Variants in ANO6 observed in about 807,000 individuals in gnomAD.
ANO6 encodes the protein anoctamin-6.
Under a neutral mutation model 117.5 loss-of-function variants are expected in ANO6, and 106 were observed. That is an observed-to-expected ratio of 0.90 (90% CI 0.77 to 1.06). The LOEUF (loss-of-function observed/expected upper bound fraction) is 1.06, where lower values mean the gene tolerates loss of function less well. Among genes scored for constraint, ANO6 ranks in the 50% least tolerant of loss-of-function variants. The probability of loss-of-function intolerance (pLI) is 0.00; values close to 1 mark genes in which losing one functional copy is unlikely to be tolerated. For missense variants in ANO6, 955 were observed against 1,121.1 expected, an observed-to-expected ratio of 0.85 and a Z score of 2.12; for synonymous variants, 367 against 385.1, an observed-to-expected ratio of 0.95 and a Z score of 0.55.
chr12:45,268,861 A>G (rs558007538), intron 1 of ANO6, among the ~76,000 whole-genome samples: 2 of 152,260 alleles, frequency 1.3e-5, no homozygotes, highest in Non-Finnish European at 2.9e-5. Flanking sequence ...AAGGAAAACA[A>G]TTTTTCTTGT....
chr12:45,357,174 T>A, intron 7 of ANO6, 116 bp from the exon 8 acceptor site: 2 of 1,187,538 alleles, frequency 1.7e-6, no homozygotes, highest in South Asian at 2.6e-5. Context: ...TAAGGGTGAA[T>A]TGAGTCAGAT....
intron 16 of ANO6, among the ~76,000 whole-genome samples, chr12:45,414,826 C>T (rs1378256189): frequency 6.6e-6 from 1 of 152,182 alleles, no homozygotes; most frequent in Non-Finnish European, 1.5e-5. Flanking sequence ...TGCAGTGGCA[C>T]AATCCCGGCT....
intron 1 of ANO6, among the ~76,000 whole-genome samples, chr12:45,249,703 C>T (rs1042686278): frequency 6.6e-6 from 1 of 152,124 alleles, no homozygotes; most frequent in Admixed American, 6.5e-5. Context: ...TAGAGAAAAG[C>T]TTCTTCTGGA....
At position 45,259,344 on chromosome 12, in the gene ANO6, T is replaced by C. The variant is rs187343685; in HGVS notation, c.71-42670T>C. Among the ~76,000 whole-genome samples the C allele has an allele frequency of 5.1e-4, 77 of 152,360 alleles. 1 individual carries two copies. The East Asian group carries it at 0.014, about 28-fold the overall frequency. On this transcript the variant is annotated intron_variant, in intron 1 of 19. Coordinates refer to ENST00000320560, the MANE Select transcript of ANO6 (RefSeq NM_001025356.3). ...TATGTAATATTTTGCATTTATGTGC[T>C]TTTGAAAATTTTTCAGGGGAGCGAG...
At chr12:45,322,352 G>A (rs1940308403) in intron 2 of ANO6, among the ~76,000 whole-genome samples, 1 of 152,004 alleles carries the variant, frequency 6.6e-6, no homozygotes, top group Non-Finnish European at 1.5e-5. Flanking sequence ...GAGCAAAGGA[G>A]TAGAGAGAGG....
At chr12:45,372,989 T>C (rs1380047010) in intron 9 of ANO6, among the ~76,000 whole-genome samples, 2 of 152,122 alleles carry the variant, frequency 1.3e-5, no homozygotes, top group African/African-American at 4.8e-5. Context: ...GAGACACACA[T>C]AGGTTCAAAA....
downstream of ANO6, among the ~76,000 whole-genome samples, chr12:45,433,712 C>G (rs1441273259): frequency 2.0e-5 from 3 of 152,136 alleles, no homozygotes; most frequent in Non-Finnish European, 4.4e-5. Flanking sequence ...CGTTAAGATT[C>G]AAGGAGTTTG....
intron 16 of ANO6, among the ~76,000 whole-genome samples, chr12:45,413,923 AG>A (rs549856757): frequency 5.3e-4 from 81 of 152,274 alleles, no homozygotes; most frequent in Admixed American, 4.8e-3. Flanking sequence ...AAAGAAATCA[AG>A]GGGAAACAAA....
chr12:45,334,588 C>T (rs1421349553), intron 3 of ANO6, among the ~76,000 whole-genome samples: 4 of 152,006 alleles, frequency 2.6e-5, no homozygotes, highest in Admixed American at 2.6e-4. Context: ...TTACAAGTCT[C>T]TTCCTAAATC....
intron 2 of ANO6, among the ~76,000 whole-genome samples, chr12:45,308,676 G>C (rs536768111): frequency 1.1e-4 from 16 of 152,134 alleles, no homozygotes; most frequent in Non-Finnish European, 2.1e-4. Context: ...CCAATTTGGA[G>C]AGTGAGAGAG....
rs747096618 is a variant in ANO6 at position 45,423,012 on chromosome 12, T to C, written c.2476T>C (p.Tyr826His). The C allele has an allele frequency of 6.8e-6, 11 of 1,614,042 alleles. No individual in the cohort carries two copies. Among genetic ancestry groups the C allele is most frequent in the Non-Finnish European group, 6.8e-6 (8 of 1,179,974 alleles). Residue 826 changes from tyrosine to histidine, a missense_variant, in exon 19 of 20, where the codon TAC becomes CAC. Physicochemically the swap from Tyr to His is moderately conservative, Grantham distance 83. Transcript: ENST00000320560. ...CCCCCAGGAGTATAAACACAACATCTACTATTGGCATGTGATTGCAGCCAA... is the reference window on the plus strand; with the variant it reads ...CCCCCAGGAGTATAAACACAACATCCACTATTGGCATGTGATTGCAGCCAA... Reference protein sequence around the residue: ...GHPQEYKHNIYYWHVIAAKLA... With the variant: ...GHPQEYKHNIHYWHVIAAKLA...
At chr12:45,269,250 C>A (rs1292756350) in intron 1 of ANO6, among the ~76,000 whole-genome samples, 1 of 152,164 alleles carries the variant, frequency 6.6e-6, no homozygotes, top group African/African-American at 2.4e-5. Context: ...CAGAGGTATT[C>A]TTCATTTCCA....
chr12:45,384,841 G>T (rs7304706), intron 10 of ANO6, among the ~76,000 whole-genome samples: 2 of 152,188 alleles, frequency 1.3e-5, no homozygotes, highest in African/African-American at 4.8e-5. Flanking sequence ...GAGGCTCAAC[G>T]TGGGGTTGCC....
At position 45,432,010 on chromosome 12, in the gene ANO6, A is replaced by G; in HGVS notation, c.*2699A>G. ...TTAAAACTAAACAAGGCCATCTTAT[A>G]AACTGTCACCAAAGTCTTCCCTTTT... On this transcript the variant is annotated 3_prime_UTR_variant, in exon 20 of 20. Transcript: ENST00000320560. 8 of 985,448 alleles carry G rather than the reference A, an allele frequency of 8.1e-6. No homozygotes were observed. The highest frequency in any genetic ancestry group is 9.6e-6 in the Non-Finnish European group (8 of 829,896). The allele number at this position is 985,448 out of a possible 1,614,324, so 61.0% of individuals were successfully genotyped here. A position where few individuals can be genotyped will look rare whatever the true frequency, so the allele number is the denominator to read the frequency against.
chr12:45,300,876 G>A (rs1232059211), intron 1 of ANO6, among the ~76,000 whole-genome samples: 2 of 152,218 alleles, frequency 1.3e-5, no homozygotes, highest in Non-Finnish European at 2.9e-5. Context: ...ACCACATGCT[G>A]CAAATGATTG....
chr12:45,349,409 C>T (rs749740513), intron 6 of ANO6, among the ~76,000 whole-genome samples: 1 of 152,074 alleles, frequency 6.6e-6, no homozygotes, highest in East Asian at 1.9e-4. Context: ...CTTCTCTAGC[C>T]GAGAACATCT....
At chr12:45,223,572 T>G (rs1195902639) in intron 1 of ANO6, among the ~76,000 whole-genome samples, 1 of 152,246 alleles carries the variant, frequency 6.6e-6, no homozygotes. Flanking sequence ...CAATGAATTC[T>G]CACTTATTTT....
At chr12:45,310,295 A>G (rs1048698349) in intron 2 of ANO6, among the ~76,000 whole-genome samples, 3 of 152,106 alleles carry the variant, frequency 2.0e-5, no homozygotes, top group African/African-American at 7.2e-5. Flanking sequence ...GCTAAAGCCA[A>G]TTTAACTCAG....
rs1389778356 is a variant in ANO6, at chr12:45,429,209, T to G, written c.2631T>G (p.Leu877=). ...GAGAAAAATACCTAACCCAAAAGCT[T>G]CTTCATGAGAATCACCTCAAAGATA... The part of the protein sequence containing the change: ...IQREKYLTQK[L]LHENHLKDMT... The change falls in exon 20 of 20, where the codon CTT becomes CTG. Residue 877 remains leucine, a synonymous_variant. Coordinates refer to ENST00000320560, the MANE Select transcript of ANO6 (RefSeq NM_001025356.3). 12 of 1,613,964 alleles carry G rather than the reference T, an allele frequency of 7.4e-6. No individual in the cohort carries two copies. The highest frequency in any genetic ancestry group is 2.2e-5 in the East Asian group (1 of 44,846).
Sources: allele counts gnomAD v4.1 joint callset (sites outside exome capture counted in the v4.1 genomes callset), GRCh38; gene constraint gnomAD v4.1.1; transcripts MANE v1.5; gene names NCBI Gene and HGNC (gene_info 2026-07-23, HGNC 2026-07-21).